The following SP110 variants were observed in gnomAD, a reference collection of about 807,000 sequenced individuals.
SP110 encodes the protein SP110 nuclear body protein, also known as interferon-induced protein 41, 30kD.
SP110 carries 62 observed loss-of-function variants against 92.7 expected under a neutral mutation model. The ratio of observed to expected loss-of-function variants is 0.67; its 90% CI spans 0.55 to 0.83. The LOEUF is 0.83. Among genes scored for constraint, SP110 ranks in the 40% least tolerant of loss-of-function variants. SP110 has a pLI of 0.00. For synonymous variants in SP110, 273 were observed against 305.3 expected, an observed-to-expected ratio of 0.89 and a Z score of 1.10; for missense variants, 793 against 863.9, an observed-to-expected ratio of 0.92 and a Z score of 1.03.
chr2:230,170,732 T>C lies in SP110; in HGVS notation c.1917A>G (p.Glu639=), dbSNP rs755696930. 6.8e-6 allele frequency: 11 copies of C among 1,614,136 alleles called. No individual in the cohort carries two copies. The highest frequency in any genetic ancestry group is 8.5e-6 in the Non-Finnish European group (10 of 1,180,014). Residue 639 remains glutamate, a synonymous_variant, in exon 18 of 19, where the codon GAA becomes GAG. Coordinates refer to ENST00000258381, the MANE Select transcript of SP110 (RefSeq NM_080424.4). ...CCTTAACCAGGTCCAACCACATTGC[T>C]TCCTGAAAGGGCTCACCGTAATCTC... is the stretch of plus-strand genomic sequence containing the variant. The part of the protein sequence containing the change: ...NIRDYGEPFQ[E]AMWLDLVKER...
rs573064771 is a variant in SP110 at position 230,214,851 on chromosome 2, C to G, written c.316+99G>C. 101 of 976,222 alleles carry G rather than the reference C, an allele frequency of 1.0e-4. No individual in the cohort carries two copies. The African/African-American group carries it at 1.5e-3, about 15-fold the overall frequency. 60.5% of individuals were successfully genotyped at this position (976,222 alleles called of 1,614,324 possible). A position where few individuals can be genotyped will look rare whatever the true frequency, so the allele number is the denominator to read the frequency against. On this transcript the variant is annotated intron_variant, in intron 3 of 18. Coordinates refer to ENST00000258381, the MANE Select transcript of SP110 (RefSeq NM_080424.4). The stretch of plus-strand genomic sequence containing the variant: ...GGTCCATTCCACCCCAGAGAGAAGG[C>G]GGGGGATTAACGTGCATATTCCACA...
intron 12 of SP110, 133 bp downstream of exon 12, chr2:230,183,439 C>G: frequency 1.3e-6 from 1 of 761,718 alleles, no homozygotes; most frequent in Non-Finnish European, 2.4e-6. Context: ...CCCAATTCAG[C>G]TGGTACCCAT....
chr2:230,216,692 G>C (rs2045217527), intron 2 of SP110, 89 bp downstream of exon 2: 1 of 1,533,368 alleles, frequency 6.5e-7, no homozygotes, highest in Non-Finnish European at 9.0e-7. Context: ...CCAAACTCTG[G>C]AAGCCCTGGT....
chr2:230,217,211 A>G (rs1236026989), intron 1 of SP110, among the ~76,000 whole-genome samples: 3 of 139,234 alleles, frequency 2.2e-5, no homozygotes, highest in African/African-American at 8.2e-5. Flanking sequence ...GTGCCACTGC[A>G]CTCCAGCCTG....
upstream of SP110, chr2:230,221,712 C>T (rs1225210392): frequency 1.3e-6 from 2 of 1,535,984 alleles, no homozygotes; most frequent in Non-Finnish European, 1.7e-6. Context: ...TACCTGAAGC[C>T]CCTCCCCATC....
In SP110 at chr2:230,178,142, G is replaced by T. The variant is rs776664940; in HGVS notation, c.1447+15C>A. 3 of 1,516,098 alleles carry T rather than the reference G, an allele frequency of 2.0e-6. No homozygotes were observed. The highest frequency in any genetic ancestry group is 1.8e-6 in the Non-Finnish European group (2 of 1,091,740). 93.9% of individuals were successfully genotyped at this position (1,516,098 alleles called of 1,614,324 possible). Reference sequence around the variant, plus strand: ...CATCTAGGGATTCCAAAGAGCAGAAGACCAAGGAACTCACCGTGTTTCATT... The same window carrying T: ...CATCTAGGGATTCCAAAGAGCAGAATACCAAGGAACTCACCGTGTTTCATT... On this transcript the variant is annotated intron_variant, in intron 13 of 18. Coordinates refer to ENST00000258381, the MANE Select transcript of SP110 (RefSeq NM_080424.4).
At chr2:230,201,476 T>C (rs374507704) in intron 9 of SP110, among the ~76,000 whole-genome samples, 4 of 152,164 alleles carry the variant, frequency 2.6e-5, no homozygotes, top group African/African-American at 9.7e-5. Context: ...ACCTACTCAC[T>C]GTACCAAAAA....
In SP110 at chr2:230,165,430, C is replaced by CA. The variant is rs2078296967; in HGVS notation, c.*3693dup. Among the ~76,000 whole-genome samples the CA allele has an allele frequency of 1.3e-5, 2 of 152,134 alleles. No individual in the cohort carries two copies. The highest frequency in any genetic ancestry group is 2.9e-5 in the Non-Finnish European group (2 of 68,006). ...AACAGAAACACATTAATACTGTTCT[C>CA]AAAAATACAGGTTATCACGTAACAC... On this transcript the variant is annotated 3_prime_UTR_variant, in exon 19 of 19. Transcript: ENST00000258381.
rs2044522608 is a variant in SP110 at position 230,211,894 on chromosome 2, A to G, written c.668-341T>C. On this transcript the variant is annotated intron_variant, in intron 5 of 18. Coordinates refer to ENST00000258381, the MANE Select transcript of SP110 (RefSeq NM_080424.4). This position sits in a 1 kb window ranked among gnomAD's most constrained non-coding sequence, Gnocchi z 4.2. ...TTTTGACAATGCCCAATATCATACC[A>G]TTCTTACGTTTAATGTAATCAAACT... Among the ~76,000 whole-genome samples, 1 of 152,202 alleles carries G rather than the reference A, an allele frequency of 6.6e-6. No homozygotes were observed. Among genetic ancestry groups the G allele is most frequent in the Admixed American group, 6.5e-5 (1 of 15,276 alleles).
intron 10 of SP110, among the ~76,000 whole-genome samples, chr2:230,197,733 A>T (rs1342731748): frequency 6.6e-6 from 1 of 152,078 alleles, no homozygotes; most frequent in Non-Finnish European, 1.5e-5. Flanking sequence ...AGGTGTAAGG[A>T]AGGGATCCAG....
intron 10 of SP110, among the ~76,000 whole-genome samples, chr2:230,188,880 CTGTT>C (rs2042480834): frequency 1.3e-5 from 2 of 151,998 alleles, no homozygotes; most frequent in South Asian, 2.1e-4. Context: ...TTCAATCTCA[CTGTT>C]TGTTATTGGT....
chr2:230,212,697 G>C, intron 4 of SP110, 64 bp downstream of exon 4: 1 of 1,591,188 alleles, frequency 6.3e-7, no homozygotes, highest in Non-Finnish European at 8.6e-7. Flanking sequence ...TGGGATTGGC[G>C]GCAACATGGC....
intron 8 of SP110, among the ~76,000 whole-genome samples, chr2:230,204,003 T>C (rs1224671380): frequency 6.6e-6 from 1 of 152,108 alleles, no homozygotes; most frequent in Non-Finnish European, 1.5e-5. Flanking sequence ...TTTTATGTCA[T>C]GTGTATTTTA....
intron 10 of SP110, among the ~76,000 whole-genome samples, chr2:230,187,794 T>C (rs1267778822): frequency 1.3e-5 from 2 of 152,144 alleles, no homozygotes; most frequent in Non-Finnish European, 2.9e-5. Context: ...CAAAGATCAG[T>C]TGGTTTTAAG....
At chr2:230,177,943 G>A (rs1431891257) in intron 13 of SP110, among the ~76,000 whole-genome samples, 2 of 152,164 alleles carry the variant, frequency 1.3e-5, no homozygotes, top group South Asian at 2.1e-4. Context: ...AGTACAGCAG[G>A]GCCCATGGGT....
intron 12 of SP110, among the ~76,000 whole-genome samples, chr2:230,180,867 A>G (rs2042099263): frequency 6.6e-6 from 1 of 152,176 alleles, no homozygotes; most frequent in Non-Finnish European, 1.5e-5. Flanking sequence ...GTTCATTTAC[A>G]TTTTTAGTGT....
intron 14 of SP110, 174 bp downstream of exon 14, chr2:230,177,364 G>A (rs1057497996): frequency 6.8e-6 from 5 of 739,470 alleles, no homozygotes; most frequent in Non-Finnish European, 7.1e-6. Flanking sequence ...CCACCATCAG[G>A]AACAATATGT....
chr2:230,218,127 G>T (rs1443850414), intron 1 of SP110, among the ~76,000 whole-genome samples: 1 of 152,204 alleles, frequency 6.6e-6, no homozygotes, highest in Non-Finnish European at 1.5e-5. Context: ...TTGACAAATT[G>T]TCAAGAAAAG....
In SP110 at chr2:230,171,496, G is replaced by A. The variant is rs78698201; in HGVS notation, c.1887+200C>T. ...CAACTTGCCCGGTATCCCAGAGCCC[G>A]TGAGCAGTGGGGTGGAGTTTGAACC... On this transcript the variant is annotated intron_variant, in intron 17 of 18. Transcript: ENST00000258381. 1,126 of 616,148 alleles carry A rather than the reference G, an allele frequency of 1.8e-3. 22 individuals are homozygous for A. In the East Asian group the frequency reaches 0.025, roughly 14 times the overall value. The allele number at this position is 616,148 out of a possible 1,614,324, so 38.2% of individuals were successfully genotyped here.
Sources: gnomAD v4.1 joint callset for allele counts (sites outside exome capture counted in the v4.1 genomes callset) on GRCh38, gnomAD v4.1.1 for gene constraint, Gnocchi (gnomAD v3.1) non-coding constraint, MANE v1.5 for transcripts, NCBI Gene and HGNC (gene_info 2026-07-23, HGNC 2026-07-21) for gene names.